UBE3C: variants seen among roughly 807,000 people sequenced by gnomAD.
UBE3C encodes the protein ubiquitin protein ligase E3C.
UBE3C carries 42 observed loss-of-function variants against 129.4 expected under a neutral mutation model. The ratio of observed to expected loss-of-function variants is 0.32; its 90% CI spans 0.25 to 0.42. The LOEUF is 0.42. Among genes scored for constraint, UBE3C ranks in the 10% least tolerant of loss-of-function variants. UBE3C has a pLI of 1.00. For missense variants in UBE3C, 1,049 were observed against 1,319.1 expected (o/e 0.80, Z 3.17); for synonymous variants, 510 against 492.4 (o/e 1.04, Z -0.47).
intron 10 of UBE3C, chr7:157,198,222 G>GAATT: frequency 6.8e-7 from 1 of 1,472,454 alleles, no homozygotes; most frequent in Non-Finnish European, 9.5e-7. Context: ...CTTACAAAAG[G>GAATT]AATTACCCAA....
chr7:157,204,207 A>T (rs540339270), intron 11 of UBE3C, among the ~76,000 whole-genome samples: 56 of 152,226 alleles, frequency 3.7e-4, no homozygotes, highest in African/African-American at 1.2e-3. Context: ...GTTTAAAATG[A>T]AATAACTGAT....
intron 18 of UBE3C, among the ~76,000 whole-genome samples, chr7:157,243,968 A>C (rs1405784259): frequency 6.6e-6 from 1 of 152,176 alleles, no homozygotes; most frequent in Non-Finnish European, 1.5e-5. Flanking sequence ...GCGGTGGCTC[A>C]CACCTGTAAT....
chr7:157,186,290 G>A (rs1300269240), intron 9 of UBE3C, among the ~76,000 whole-genome samples: 1 of 151,970 alleles, frequency 6.6e-6, no homozygotes, highest in African/African-American at 2.4e-5. Flanking sequence ...TGGGTGTGGA[G>A]GCGGGCAAGT....
intron 18 of UBE3C, among the ~76,000 whole-genome samples, chr7:157,239,719 T>G (rs530699534): frequency 2.1e-4 from 32 of 152,310 alleles, no homozygotes; most frequent in Admixed American, 8.5e-4. Flanking sequence ...CATGTGTATT[T>G]GCTGCTGGAA....
intron 1 of UBE3C, among the ~76,000 whole-genome samples, chr7:157,147,226 C>T (rs948192722): frequency 1.1e-4 from 16 of 152,044 alleles, no homozygotes; most frequent in Admixed American, 4.6e-4. Flanking sequence ...TATAATTTTC[C>T]TTATATATAC....
Position 157,267,606 on chromosome 7 carries a change from A to G in UBE3C, c.3103A>G (p.Ile1035Val), listed in dbSNP as rs1205204340. Residue 1035 changes from isoleucine to valine, a missense_variant, in exon 23 of 23, where the codon ATT becomes GTT. Physicochemically the swap from Ile to Val is conservative, Grantham distance 29. This residue lies in a region of UBE3C where 243 missense variants were observed against 368.7 expected (regional missense o/e 0.66). Coordinates refer to ENST00000348165, the MANE Select transcript of UBE3C (RefSeq NM_014671.3). ...TCAGGAGTTGTATCCCGCATTTTGT[A>G]TTCACAACGGAGGCTCCGACCTTGA... ...GFKELYPAFC[I>V]HNGGSDLERL... 3 of 1,613,092 alleles carry G rather than the reference A, an allele frequency of 1.9e-6. No homozygotes were observed. Among genetic ancestry groups the G allele is most frequent in the South Asian group, 1.1e-5 (1 of 90,830 alleles).
chr7:157,191,851 A>T (rs1808977265), intron 10 of UBE3C, among the ~76,000 whole-genome samples: 1 of 152,214 alleles, frequency 6.6e-6, no homozygotes, highest in Admixed American at 6.5e-5. Context: ...TTTGGAAAAA[A>T]TATTGAGGAT....
chr7:157,169,727 G>C (rs990537818), intron 3 of UBE3C, among the ~76,000 whole-genome samples: 1 of 152,058 alleles, frequency 6.6e-6, no homozygotes, highest in African/African-American at 2.4e-5. Flanking sequence ...TGTCACACAG[G>C]CTGGAGTGCA....
chr7:157,184,181 T>A, intron 9 of UBE3C, 152 bp downstream of exon 9: 1 of 956,840 alleles, frequency 1.0e-6, no homozygotes, highest in Non-Finnish European at 1.5e-6. Flanking sequence ...CCACAGTTTC[T>A]AGTGATGGGA....
intron 13 of UBE3C, among the ~76,000 whole-genome samples, chr7:157,216,515 C>A (rs1395959288): frequency 6.6e-6 from 1 of 152,114 alleles, no homozygotes; most frequent in Admixed American, 6.6e-5. Flanking sequence ...CCACCCTCCC[C>A]CTTCAAGTAG....
intron 18 of UBE3C, 129 bp from the exon 19 acceptor site, chr7:157,248,239 C>G (rs1796531820): frequency 1.2e-6 from 1 of 826,396 alleles, no homozygotes; most frequent in African/African-American, 1.7e-5. Flanking sequence ...CAGCTTCCAT[C>G]TTCGGTACTA....
intron 18 of UBE3C, among the ~76,000 whole-genome samples, chr7:157,237,465 T>C (rs1021885548): frequency 2.6e-5 from 4 of 152,178 alleles, no homozygotes; most frequent in Non-Finnish European, 4.4e-5. Flanking sequence ...GATTTCTCAC[T>C]GTAGGTTTAG....
At position 157,201,372 on chromosome 7, in the gene UBE3C, A is replaced by G. The variant is rs543318918; in HGVS notation, c.1332-349A>G. ...AAGCAGTAATAACAATAGTAATTAT[A>G]ATATTGTGATATATTAATACGATAT... On this transcript the variant is annotated intron_variant, in intron 10 of 22. Coordinates refer to ENST00000348165, the MANE Select transcript of UBE3C (RefSeq NM_014671.3). Among the ~76,000 whole-genome samples, 5 of 152,160 alleles carry G rather than the reference A, an allele frequency of 3.3e-5. No individual in the cohort carries two copies. The South Asian group carries it at 8.3e-4, about 25-fold the overall frequency.
intron 6 of UBE3C, among the ~76,000 whole-genome samples, chr7:157,179,646 G>C (rs1808616785): frequency 6.6e-6 from 1 of 152,168 alleles, no homozygotes; most frequent in Non-Finnish European, 1.5e-5. Context: ...AAATGTGCGT[G>C]AGACTAGTTG....
chr7:157,254,111 G>A lies in UBE3C; in HGVS notation c.2852G>A (p.Trp951Ter). Residue 951 changes from tryptophan (W) to a stop codon, truncating the protein, a stop_gained, in exon 20 of 23, where the codon TGG becomes TAG. Coordinates refer to ENST00000348165, the MANE Select transcript of UBE3C (RefSeq NM_014671.3). LOFTEE classifies it high-confidence loss of function. The part of the protein sequence containing the change: ...QGLANVVSLE[W>*]LRMFDQQEIQ... The stretch of plus-strand genomic sequence containing the variant: ...CTTGCCAATGTCGTCAGCCTCGAGT[G>A]GCTCCGAATGTTTGATCAGCAAGAA... 6.2e-7 allele frequency: 1 copy of A among 1,610,954 alleles called. No homozygotes were observed. Among genetic ancestry groups the A allele is most frequent in the Non-Finnish European group, 8.5e-7 (1 of 1,178,568 alleles).
At chr7:157,230,949 T>A (rs1431711385) in intron 17 of UBE3C, 131 bp from the exon 18 acceptor site, 3 of 1,281,314 alleles carry the variant, frequency 2.3e-6, no homozygotes, top group Non-Finnish European at 3.2e-6. Flanking sequence ...ATATCATTGC[T>A]GTTTTGAGTC....
At chr7:157,170,509 A>G (rs1403237317) in intron 4 of UBE3C, 59 bp downstream of exon 4, 1 of 1,420,706 alleles carries the variant, frequency 7.0e-7, no homozygotes, top group Non-Finnish European at 9.2e-7. Flanking sequence ...TTTTTTGTTT[A>G]AAGTGGAAAT....
chr7:157,245,907 C>G (rs1212104384), intron 18 of UBE3C, among the ~76,000 whole-genome samples: 2 of 145,196 alleles, frequency 1.4e-5, no homozygotes, highest in African/African-American at 2.5e-5. Context: ...AGGAGAATCG[C>G]TTGAACTCGG....
chr7:157,225,374 T>G (rs753166899), intron 16 of UBE3C, 33 bp from the exon 17 acceptor site: 1 of 1,571,742 alleles, frequency 6.4e-7, no homozygotes, highest in Non-Finnish European at 8.6e-7. Context: ...GTCTTTTGTT[T>G]CTAATAACCT....
Sources: gnomAD v4.1 joint callset for allele counts (sites outside exome capture counted in the v4.1 genomes callset) on GRCh38, gnomAD v4.1.1 for gene constraint, gnomAD v4.1.1 regional missense constraint, MANE v1.5 for transcripts, NCBI Gene and HGNC (gene_info 2026-07-23, HGNC 2026-07-21) for gene names.